KAT6A: variants seen among roughly 807,000 people sequenced by gnomAD.
The protein encoded by KAT6A is histone acetyltransferase KAT6A.
In KAT6A, 9 loss-of-function variants were observed where a neutral mutation model predicts 198.4. That is an observed-to-expected ratio of 0.05 (90% confidence interval 0.03 to 0.08). The LOEUF (loss-of-function observed/expected upper bound fraction) is 0.08, where lower values mean the gene tolerates loss of function less well. Ranked by LOEUF, KAT6A falls within the 10% of genes least tolerant of loss-of-function variation. The pLI is 1.00. For missense variants in KAT6A, 2,077 were observed against 2,509.9 expected (o/e 0.83, Z 3.69); for synonymous variants, 890 against 883.0 (o/e 1.01, Z -0.14).
rs1250322919 is a variant in KAT6A at position 41,934,739 on chromosome 8, T to C, written c.3481A>G (p.Ile1161Val). The C allele has an allele frequency of 4.3e-6, 7 of 1,614,018 alleles. No homozygotes were observed. In the African/African-American group the frequency reaches 5.3e-5, roughly 12 times the overall value. Residue 1161 changes from isoleucine to valine, a missense_variant, in exon 17 of 17, where the codon ATC (isoleucine) becomes GTC (valine). By Grantham distance (29) the Ile-to-Val change is conservative. Around this residue, in one of 13 missense-constraint regions of KAT6A, gnomAD observed 375 missense variants for 383.0 expected, o/e 0.98. Coordinates refer to ENST00000265713, the MANE Select transcript of KAT6A (RefSeq NM_006766.5). The stretch of plus-strand genomic sequence containing the variant: ...CGACCAGGTCTTTTCTTCCAGTGGA[T>C]TGGTTTGCGGCTCTTGCCTTTGGGC... ...GWPKGKSRKP[I>V]HWKKRPGRKP...
chr8:42,007,633 G>A lies in KAT6A; in HGVS notation c.601-20070C>T, dbSNP rs146403235. On this transcript the variant is annotated intron_variant, in intron 2 of 16. Coordinates refer to ENST00000265713, the MANE Select transcript of KAT6A (RefSeq NM_006766.5). Reference sequence around the variant, plus strand: ...GAGTTAACTTTAAAACACAGCAAAGGTTTCTCCTGGGACTAGGACTAGAAA... The same window carrying A: ...GAGTTAACTTTAAAACACAGCAAAGATTTCTCCTGGGACTAGGACTAGAAA... Among the ~76,000 whole-genome samples, 1,282 of 152,140 alleles carry A rather than the reference G, an allele frequency of 8.4e-3. 16 individuals carry two copies. The highest frequency in any genetic ancestry group is 0.03 in the African/African-American group (1,241 of 41,486).
chr8:42,005,796 A>ACACACACTCT (rs71239089), intron 2 of KAT6A, among the ~76,000 whole-genome samples: 1 of 148,908 alleles, frequency 6.7e-6, no homozygotes, highest in East Asian at 2.0e-4. Context: ...ACACACACAC[A>ACACACACTCT]CACTCACTCT....
Position 41,931,363 on chromosome 8 carries a change from C to T in KAT6A, c.*842G>A, listed in dbSNP as rs1416086362. 3 of 215,846 alleles carry T rather than the reference C, an allele frequency of 1.4e-5. No homozygotes were observed. Among genetic ancestry groups the T allele is most frequent in the Non-Finnish European group, 2.8e-5 (3 of 106,898 alleles). The allele number at this position is 215,846 out of a possible 1,614,324, so 13.4% of individuals were successfully genotyped here. A position where few individuals can be genotyped will look rare whatever the true frequency, so the allele number is the denominator to read the frequency against. On this transcript the variant is annotated 3_prime_UTR_variant, in exon 17 of 17. Coordinates refer to ENST00000265713, the MANE Select transcript of KAT6A (RefSeq NM_006766.5). ...TGTTAATTGACCATCTCTATTCCTCCAAAGGCTGGATTTGGATTGCAAACA... is the reference window on the plus strand; with the variant it reads ...TGTTAATTGACCATCTCTATTCCTCTAAAGGCTGGATTTGGATTGCAAACA...
At chr8:42,013,356 A>C (rs1316689234) in intron 2 of KAT6A, among the ~76,000 whole-genome samples, 1 of 151,406 alleles carries the variant, frequency 6.6e-6, no homozygotes, top group Non-Finnish European at 1.5e-5. Context: ...CCCGGGTTCA[A>C]GCGATTCTCC....
intron 15 of KAT6A, among the ~76,000 whole-genome samples, chr8:41,938,195 C>G (rs952352659): frequency 6.6e-6 from 1 of 152,098 alleles, no homozygotes; most frequent in Non-Finnish European, 1.5e-5. Context: ...AGATGATGCC[C>G]CAGAGATTAT....
chr8:42,003,359 A>C (rs2150903914), intron 2 of KAT6A, among the ~76,000 whole-genome samples: 1 of 152,166 alleles, frequency 6.6e-6, no homozygotes. Context: ...CAAGTCTTTG[A>C]AAGCAATCAG....
intron 16 of KAT6A, among the ~76,000 whole-genome samples, chr8:41,935,275 G>A (rs1564006526): frequency 6.6e-6 from 1 of 152,072 alleles, no homozygotes; most frequent in Non-Finnish European, 1.5e-5. Flanking sequence ...TTACAAATTA[G>A]CTTATTTCCT....
Position 42,049,258 on chromosome 8 carries a change from A to G in KAT6A, c.-281T>C, listed in dbSNP as rs1802475585. 12 of 382,036 alleles carry G rather than the reference A, an allele frequency of 3.1e-5. No individual in the cohort carries two copies. The highest frequency in any genetic ancestry group is 7.5e-5 in the South Asian group (1 of 13,326). The allele number at this position is 382,036 out of a possible 1,614,324, so 23.7% of individuals were successfully genotyped here. A position where few individuals can be genotyped will look rare whatever the true frequency, so the allele number is the denominator to read the frequency against. On this transcript the variant is annotated 5_prime_UTR_variant, in exon 2 of 17. Transcript: ENST00000265713. ...GTCATAAAGTTGTAAGAACTCAAGA[A>G]TATTTCATTCCCGGCTCCAGAGCAG... is the stretch of plus-strand genomic sequence containing the variant.
At chr8:42,005,083 C>CCATT (rs1308959747) in intron 2 of KAT6A, among the ~76,000 whole-genome samples, 3 of 152,138 alleles carry the variant, frequency 2.0e-5, no homozygotes, top group African/African-American at 7.2e-5. Context: ...CAGTAACAAT[C>CCATT]CATTGTATGA....
chr8:41,992,005 G>C (rs1246758313), intron 2 of KAT6A, among the ~76,000 whole-genome samples: 1 of 151,906 alleles, frequency 6.6e-6, no homozygotes, highest in Non-Finnish European at 1.5e-5. Context: ...GTATCTACTG[G>C]AGCCTGGGCA....
At chr8:41,978,556 T>G in intron 6 of KAT6A, 86 bp downstream of exon 6, 2 of 1,409,904 alleles carry the variant, frequency 1.4e-6, no homozygotes. Context: ...CAATGGAATT[T>G]TTTTCATAGA....
intron 2 of KAT6A, among the ~76,000 whole-genome samples, chr8:42,011,880 G>A: frequency 1.3e-5 from 2 of 150,346 alleles, no homozygotes. Flanking sequence ...AGAGGTGTGG[G>A]GAAAAAAAGA....
intron 2 of KAT6A, among the ~76,000 whole-genome samples, chr8:41,992,654 T>A (rs550765371): frequency 6.6e-6 from 1 of 152,218 alleles, no homozygotes; most frequent in Non-Finnish European, 1.5e-5. Flanking sequence ...AAGCTCATTG[T>A]ATCACTTTAG....
chr8:41,956,990 C>A, intron 8 of KAT6A: 1 of 512,330 alleles, frequency 2.0e-6, no homozygotes. Context: ...TACCAGAAAC[C>A]AGATCTAACT....
At chr8:41,994,756 A>C (rs969378638) in intron 2 of KAT6A, among the ~76,000 whole-genome samples, 38 of 151,994 alleles carry the variant, frequency 2.5e-4, no homozygotes, top group African/African-American at 8.9e-4. Context: ...CCATATTCTT[A>C]CTACTAAAAG....
rs1231808623 is a variant in KAT6A, at chr8:41,930,345, C to T, written c.*1860G>A. ...CACTTTCTACATAGATGACTGGGAA[C>T]TGGAATAGTATATACAGAGAAACTG... On this transcript the variant is annotated 3_prime_UTR_variant, in exon 17 of 17. Transcript: ENST00000265713. 3 of 211,838 alleles carry T rather than the reference C, an allele frequency of 1.4e-5. No individual in the cohort carries two copies. Among genetic ancestry groups the T allele is most frequent in the Non-Finnish European group, 2.8e-5 (3 of 108,594 alleles). 13.1% of individuals were successfully genotyped at this position (211,838 alleles called of 1,614,324 possible).
intron 8 of KAT6A, among the ~76,000 whole-genome samples, chr8:41,963,229 T>C (rs550726066): frequency 6.6e-6 from 1 of 152,292 alleles, no homozygotes; most frequent in African/African-American, 2.4e-5. Context: ...TTATCTTTGA[T>C]AAAAATTTTA....
At chr8:42,021,705 T>C (rs896260168) in intron 2 of KAT6A, among the ~76,000 whole-genome samples, 7 of 152,100 alleles carry the variant, frequency 4.6e-5, no homozygotes, top group African/African-American at 7.2e-5. Context: ...CCAAGGCAGG[T>C]AGATTGTTTG....
intron 16 of KAT6A, 69 bp downstream of exon 16, chr8:41,937,187 G>GGTCT: frequency 8.2e-7 from 1 of 1,212,286 alleles, no homozygotes; most frequent in Non-Finnish European, 1.2e-6. Context: ...TTTACTGAAG[G>GGTCT]GTCTGTCACT....
Sources: allele counts gnomAD v4.1 joint callset (sites outside exome capture counted in the v4.1 genomes callset), GRCh38; gene constraint gnomAD v4.1.1; regional missense constraint gnomAD v4.1.1; transcripts MANE v1.5; gene names NCBI Gene and HGNC (gene_info 2026-07-23, HGNC 2026-07-21).